SRPRB: variants seen among roughly 807,000 people sequenced by gnomAD.
SRPRB encodes the protein SRP receptor subunit beta, also known as signal recognition particle receptor subunit beta.
Under a neutral mutation model 31.9 loss-of-function variants are expected in SRPRB, and 20 were observed. That is an observed-to-expected ratio of 0.63 (90% CI 0.44 to 0.91). The LOEUF is 0.91. Ranked by LOEUF, SRPRB falls within the 40% of genes least tolerant of loss-of-function variation. SRPRB has a pLI of 0.00. For synonymous variants in SRPRB, 146 were observed against 132.8 expected (o/e 1.10, Z -0.68); for missense variants, 321 against 324.9 (o/e 0.99, Z 0.09).
chr3:133,800,285 A>C (rs770984634), intron 1 of SRPRB, among the ~76,000 whole-genome samples: 35 of 152,226 alleles, frequency 2.3e-4, no homozygotes, highest in Non-Finnish European at 4.4e-4. Context: ...ATAGAGCCAG[A>C]CCTTCCCTAT....
intron 6 of SRPRB, among the ~76,000 whole-genome samples, chr3:133,818,975 G>A (rs1935415686): frequency 1.3e-5 from 2 of 152,262 alleles, no homozygotes; most frequent in South Asian, 4.2e-4. Context: ...GGGAAGGGGA[G>A]GCCGACAAAT....
rs56267966 is a variant in SRPRB, at chr3:133,789,879, G to GTTTT, written c.-174+5761_-174+5764dup. On this transcript the variant is annotated intron_variant, in intron 1 of 7. Coordinates refer to the SRPRB transcript ENST00000466490. Reference sequence around the variant, plus strand: ...GCCAAAACAAAACGATCTCGTTTGCGTTTTTTTTTTTTTTTTTTTTTTTTT... The same window carrying GTTTT: ...GCCAAAACAAAACGATCTCGTTTGCGTTTTTTTTTTTTTTTTTTTTTTTTTTTTT... 470 of 88,904 alleles carry GTTTT rather than the reference G, an allele frequency of 5.3e-3. 49 individuals carry two copies. Among genetic ancestry groups the GTTTT allele is most frequent in the African/African-American group, 7.8e-3 (142 of 18,246 alleles). 5.5% of individuals were successfully genotyped at this position (88,904 alleles called of 1,614,324 possible).
At chr3:133,805,590 TA>T (rs1448041582), upstream of SRPRB, 2 of 377,938 alleles carry the variant, frequency 5.3e-6, no homozygotes, top group Admixed American at 9.0e-5. Flanking sequence ...TCAACAGTCA[TA>T]ACGTAGGTGA....
At chr3:133,814,434 T>C (rs1229677961) in intron 4 of SRPRB, among the ~76,000 whole-genome samples, 2 of 149,714 alleles carry the variant, frequency 1.3e-5, no homozygotes, top group Non-Finnish European at 3.0e-5. Context: ...CCTGGCCGGT[T>C]TTTTTGTTTT....
At chr3:133,790,454 A>G (rs1934803634) in intron 1 of SRPRB, 1 of 152,234 alleles carries the variant, frequency 6.6e-6, no homozygotes, top group Non-Finnish European at 1.5e-5. Context: ...TTCAAATTAC[A>G]GATTTGAAAA....
Position 133,805,917 on chromosome 3 carries a change from A to T in SRPRB, c.69A>T (p.Leu23=). Residue 23 remains leucine (L), a synonymous_variant, in exon 1 of 7, where the codon CTA becomes CTT. Transcript: ENST00000678299. ...CCGGGGGCACCTTCCAGCCCTACCTAGACACCTTGCGGCAGGAGCTGCAGC... is the reference window on the plus strand; with the variant it reads ...CCGGGGGCACCTTCCAGCCCTACCTTGACACCTTGCGGCAGGAGCTGCAGC... ...GGAGGTFQPY[L]DTLRQELQQT... 6.2e-7 allele frequency: 1 copy of T among 1,614,060 alleles called. No homozygotes were observed. Among genetic ancestry groups the T allele is most frequent in the South Asian group, 1.1e-5 (1 of 91,076 alleles).
Position 133,805,974 on chromosome 3 carries a change from G to C in SRPRB, c.126G>C (p.Val42=), listed in dbSNP as rs1441131083. 6.2e-7 allele frequency: 1 copy of C among 1,613,400 alleles called. No individual in the cohort carries two copies. The highest frequency in any genetic ancestry group is 8.5e-7 in the Non-Finnish European group (1 of 1,179,578). The change falls in exon 1 of 7, where the codon GTG becomes GTC. Residue 42 remains valine, a synonymous_variant. Transcript: ENST00000678299. ...QTDPTLLSVV[V]AVLAVLLTLV... The stretch of plus-strand genomic sequence containing the variant: ...ACCCAACGCTGTTGTCAGTAGTGGT[G>C]GCGGTTCTTGCGGTGCTGCTGACGC...
upstream of SRPRB, among the ~76,000 whole-genome samples, chr3:133,803,969 G>A (rs536541376): frequency 7.3e-5 from 11 of 150,646 alleles, no homozygotes; most frequent in East Asian, 9.9e-4. Flanking sequence ...GGTGGCAGGC[G>A]CCTGTAGTCC....
intron 4 of SRPRB, among the ~76,000 whole-genome samples, chr3:133,814,420 C>T (rs886237824): frequency 2.0e-5 from 3 of 151,574 alleles, no homozygotes; most frequent in South Asian, 2.1e-4. Context: ...CGTGAGCCAC[C>T]GCGCCTGGCC....
In SRPRB at chr3:133,807,810, TCAA is replaced by T. The variant is rs1440215342; in HGVS notation, c.318_320del (p.Asn108del). ...ACTGACAGCTGTGCTGTATACAGAG[TCAA>T]CAATAACAGGGTAAGATGTTTGTGG... On this transcript the variant is annotated inframe_deletion, in exon 3 of 7. Coordinates refer to ENST00000678299, the MANE Select transcript of SRPRB (RefSeq NM_001379313.1). 1 of 1,610,524 alleles carries T rather than the reference TCAA, an allele frequency of 6.2e-7. No individual in the cohort carries two copies. Among genetic ancestry groups the T allele is most frequent in the Non-Finnish European group, 8.5e-7 (1 of 1,179,132 alleles).
At chr3:133,804,112 A>G (rs1304440320), upstream of SRPRB, among the ~76,000 whole-genome samples, 65 of 150,758 alleles carry the variant, frequency 4.3e-4, no homozygotes, top group East Asian at 1.8e-3. Context: ...AAAAAAAAAA[A>G]AAAAGAAAAA....
intron 1 of SRPRB, chr3:133,790,586 C>T (rs1040258142): frequency 6.6e-6 from 1 of 152,206 alleles, no homozygotes; most frequent in Middle Eastern, 3.2e-3. Context: ...GGCTAATTAA[C>T]ATTTTCATAG....
intron 6 of SRPRB, among the ~76,000 whole-genome samples, chr3:133,817,611 TAGA>T (rs1207376570): frequency 1.3e-5 from 2 of 152,226 alleles, no homozygotes; most frequent in Admixed American, 1.3e-4. Context: ...AAAGCTGGTG[TAGA>T]AGAAATGATC....
In SRPRB at chr3:133,805,821, G is replaced by A; in HGVS notation, c.-28G>A. ...CAGAGTGCAGGGCCACGTCGCTTTT[G>A]CTGTACCGGGGACCACGCGTCTCAT... On this transcript the variant is annotated 5_prime_UTR_variant, in exon 1 of 7. Coordinates refer to ENST00000678299, the MANE Select transcript of SRPRB (RefSeq NM_001379313.1). 3 of 1,587,852 alleles carry A rather than the reference G, an allele frequency of 1.9e-6. No homozygotes were observed. The highest frequency in any genetic ancestry group is 1.2e-5 in the South Asian group (1 of 85,544).
chr3:133,816,773 A>T, intron 5 of SRPRB, 105 bp from the exon 6 acceptor site: 1 of 829,786 alleles, frequency 1.2e-6, no homozygotes, highest in Non-Finnish European at 1.8e-6. Flanking sequence ...TTAAAAAAAG[A>T]GAAAAACTTA....
rs1388991354 is a variant in SRPRB, at chr3:133,819,928, T to C, written c.*162T>C. On this transcript the variant is annotated 3_prime_UTR_variant, in exon 7 of 7. Transcript: ENST00000678299. ...TGAAACCAGCTTGGAATTTTTTTTT[T>C]TTTTTTTTTTAAGTTCAGTTCTCCC... The C allele has an allele frequency of 5.9e-6, 4 of 676,196 alleles. No individual in the cohort carries two copies. The highest frequency in any genetic ancestry group is 9.7e-6 in the Non-Finnish European group (4 of 410,802). 41.9% of individuals were successfully genotyped at this position (676,196 alleles called of 1,614,324 possible). A position where few individuals can be genotyped will look rare whatever the true frequency, so the allele number is the denominator to read the frequency against.
chr3:133,804,026 G>A, upstream of SRPRB, among the ~76,000 whole-genome samples: 1 of 146,890 alleles, frequency 6.8e-6, no homozygotes, highest in Non-Finnish European at 1.5e-5. Flanking sequence ...AACCCGGGAG[G>A]CGGAGCTTGC....
intron 1 of SRPRB, chr3:133,791,188 A>G (rs1012434407): frequency 3.3e-5 from 5 of 152,192 alleles, no homozygotes; most frequent in Non-Finnish European, 7.3e-5. Context: ...GCTGGCAGGA[A>G]TTGATGGAGC....
At chr3:133,800,297 C>T (rs1414663936) in intron 1 of SRPRB, among the ~76,000 whole-genome samples, 1 of 152,192 alleles carries the variant, frequency 6.6e-6, no homozygotes, top group African/African-American at 2.4e-5. Context: ...CTTCCCTATG[C>T]CTACACCTGA....
Sources: allele counts gnomAD v4.1 joint callset (sites outside exome capture counted in the v4.1 genomes callset), GRCh38; gene constraint gnomAD v4.1.1; transcripts MANE v1.5; gene names NCBI Gene and HGNC (gene_info 2026-07-23, HGNC 2026-07-21).